The following SNX8 variants were observed in gnomAD, a reference collection of about 807,000 sequenced individuals.
SNX8 encodes sorting nexin 8.
SNX8 carries 25 observed loss-of-function variants against 51.6 expected under a neutral mutation model. That is an observed-to-expected ratio of 0.48 (90% confidence interval 0.35 to 0.68). The LOEUF is 0.68. Among genes scored for constraint, SNX8 ranks in the 30% least tolerant of loss-of-function variants. The probability of loss-of-function intolerance (pLI) is 0.00; values close to 1 mark genes in which losing one functional copy is unlikely to be tolerated. For synonymous variants in SNX8, 324 were observed against 277.0 expected (o/e 1.17, Z -1.68); for missense variants, 695 against 624.0 (o/e 1.11, Z -1.21).
At chr7:2,311,989 C>T (rs1796668287) in intron 1 of SNX8, among the ~76,000 whole-genome samples, 1 of 151,860 alleles carries the variant, frequency 6.6e-6, no homozygotes, top group Non-Finnish European at 1.5e-5. Context: ...GCCAGGATGA[C>T]GACCAAGTTT....
rs2115103763 is a variant in SNX8, at chr7:2,264,464, A to G, written c.622-6T>C. The G allele has an allele frequency of 6.2e-7, 1 of 1,608,392 alleles. No homozygotes were observed. The highest frequency in any genetic ancestry group is 8.5e-7 in the Non-Finnish European group (1 of 1,178,824). ...ATGTCAGCTGGGAGGAAGTCCTGACATCATGATGGGGGGAGAGACACTGTG... is the reference window on the plus strand; with the variant it reads ...ATGTCAGCTGGGAGGAAGTCCTGACGTCATGATGGGGGGAGAGACACTGTG... On this transcript the variant is annotated splice_polypyrimidine_tract_variant and splice_region_variant and intron_variant, in intron 5 of 10. Coordinates refer to ENST00000222990, the MANE Select transcript of SNX8 (RefSeq NM_013321.4).
At chr7:2,308,154 A>T (rs983206150) in intron 1 of SNX8, among the ~76,000 whole-genome samples, 3 of 152,160 alleles carry the variant, frequency 2.0e-5, no homozygotes, top group African/African-American at 7.2e-5. Flanking sequence ...TCACATAAGA[A>T]ATATAATACA....
intron 1 of SNX8, chr7:2,310,008 T>C (rs1235185022): frequency 2.6e-6 from 1 of 391,170 alleles, no homozygotes; most frequent in Non-Finnish European, 5.2e-6. Flanking sequence ...CCGAATGGAA[T>C]GTATGGAATG....
chr7:2,305,380 T>C (rs532193801), intron 1 of SNX8, among the ~76,000 whole-genome samples: 1 of 152,072 alleles, frequency 6.6e-6, no homozygotes, highest in African/African-American at 2.4e-5. Context: ...TTGTTTGTTT[T>C]TGAGATAAAG....
intron 1 of SNX8, among the ~76,000 whole-genome samples, chr7:2,334,469 G>A (rs1023959570): frequency 1.7e-4 from 26 of 151,828 alleles, no homozygotes; most frequent in African/African-American, 5.1e-4. Flanking sequence ...AAGCCAAGGC[G>A]GGCGGATCAC....
At chr7:2,299,432 C>G (rs1484873356) in intron 1 of SNX8, 3 of 152,160 alleles carry the variant, frequency 2.0e-5, no homozygotes, top group Admixed American at 2.0e-4. Context: ...CCCACCAATC[C>G]CCCGGAACCC....
chr7:2,340,060 C>CA (rs1018515677), intron 1 of SNX8, among the ~76,000 whole-genome samples: 3 of 149,408 alleles, frequency 2.0e-5, no homozygotes, highest in Non-Finnish European at 4.4e-5. Flanking sequence ...AGCTAGGCTA[C>CA]AAAACTTTTT....
At chr7:2,321,712 CCT>C (rs1491554993) in intron 1 of SNX8, among the ~76,000 whole-genome samples, 6 of 126,154 alleles carry the variant, frequency 4.8e-5, no homozygotes, top group Non-Finnish European at 8.0e-5. Context: ...CCGCGCCCGG[CCT>C]TTTTTTTTTT....
intron 1 of SNX8, among the ~76,000 whole-genome samples, chr7:2,305,917 C>T (rs1001266198): frequency 1.3e-5 from 2 of 151,894 alleles, no homozygotes; most frequent in African/African-American, 4.8e-5. Context: ...CCTGTCTCTA[C>T]AAAATAAAAA....
At chr7:2,312,671 A>G (rs1364684184) in intron 1 of SNX8, among the ~76,000 whole-genome samples, 3 of 151,926 alleles carry the variant, frequency 2.0e-5, no homozygotes, top group African/African-American at 7.3e-5. Flanking sequence ...GAAACTGTCT[A>G]CCAACCCTCC....
In SNX8 at chr7:2,257,721, C is replaced by T; in HGVS notation, c.984+14G>A. The T allele has an allele frequency of 2.5e-6, 4 of 1,612,390 alleles. No homozygotes were observed. The highest frequency in any genetic ancestry group is 3.4e-6 in the Non-Finnish European group (4 of 1,178,568). On this transcript the variant is annotated intron_variant, in intron 8 of 10. Coordinates refer to ENST00000222990, the MANE Select transcript of SNX8 (RefSeq NM_013321.4). ...GAAAGTTCTGCCCCCAGCCAAGGAG[C>T]AGCCAAGACTCACCTTATAGGACTG...
chr7:2,261,858 C>T (rs1472445900), intron 7 of SNX8, among the ~76,000 whole-genome samples: 4 of 152,208 alleles, frequency 2.6e-5, no homozygotes, highest in African/African-American at 9.7e-5. Context: ...TAAAAAGCCC[C>T]GACTCCACAG....
At chr7:2,270,707 G>A (rs77059938) in intron 4 of SNX8, among the ~76,000 whole-genome samples, 2,841 of 152,220 alleles carry the variant, frequency 0.019, 50 homozygotes, top group East Asian at 0.049. Flanking sequence ...GACATCCCCG[G>A]GGGCATCCCA....
At chr7:2,321,376 C>A (rs4721590) in intron 1 of SNX8, among the ~76,000 whole-genome samples, 123,477 of 152,052 alleles carry the variant, frequency 0.81, 50,222 homozygotes, top group Non-Finnish European at 0.84. Context: ...ATCCTCCCCA[C>A]AGAATACTAT....
rs1197351587 is a variant in SNX8 at position 2,269,554 on chromosome 7, A to T, written c.621+5T>A. 6.6e-7 allele frequency: 1 copy of T among 1,520,878 alleles called. No homozygotes were observed. The highest frequency in any genetic ancestry group is 2.2e-5 in the Admixed American group (1 of 44,844). The allele number at this position is 1,520,878 out of a possible 1,614,324, so 94.2% of individuals were successfully genotyped here. On this transcript the variant is annotated splice_donor_5th_base_variant and intron_variant, in intron 5 of 10. Transcript: ENST00000222990. The stretch of plus-strand genomic sequence containing the variant: ...AAAAAAAAAAGAAAAAAAAAAGAAA[A>T]ATACCTTGGCCCTGGTAGCCAGCTT...
chr7:2,324,378 C>T lies in SNX8; in HGVS notation c.-66+29844G>A, dbSNP rs1269645382. 4.6e-5 allele frequency among the ~76,000 whole-genome samples: 7 copies of T among 150,920 alleles called. No homozygotes were observed. The South Asian group carries it at 1.5e-3, about 32-fold the overall frequency. The stretch of plus-strand genomic sequence containing the variant: ...TGATCTTGGCTCACTACAACCTCCA[C>T]CTCCCAGGTTCAAACAATTCTCCTG... On this transcript the variant is annotated intron_variant, in intron 1 of 5. Transcript: ENST00000435336.
chr7:2,264,963 A>T (rs1422766389), intron 5 of SNX8, among the ~76,000 whole-genome samples: 3 of 152,220 alleles, frequency 2.0e-5, no homozygotes, highest in African/African-American at 7.2e-5. Context: ...TGAATCCGGG[A>T]GGCAGAGGTT....
chr7:2,275,653 G>A (rs1304381496), intron 2 of SNX8, among the ~76,000 whole-genome samples: 2 of 151,666 alleles, frequency 1.3e-5, no homozygotes, highest in Non-Finnish European at 2.9e-5. Context: ...AGTGATCCAA[G>A]ATCGTGCCAC....
At chr7:2,313,668 G>A (rs1289084248) in intron 1 of SNX8, among the ~76,000 whole-genome samples, 1 of 151,634 alleles carries the variant, frequency 6.6e-6, no homozygotes, top group Admixed American at 6.6e-5. Flanking sequence ...CTCCAGACCA[G>A]CCTGGACAAC....
Sources: allele counts gnomAD v4.1 joint callset (sites outside exome capture counted in the v4.1 genomes callset), GRCh38; gene constraint gnomAD v4.1.1; transcripts MANE v1.5; gene names NCBI Gene and HGNC (gene_info 2026-07-23, HGNC 2026-07-21).